The following ZNF799 variants were observed in gnomAD, a reference collection of about 807,000 sequenced individuals.
The protein encoded by ZNF799 is zinc finger protein 799.
ZNF799 carries 28 observed loss-of-function variants against 41.0 expected under a neutral mutation model. The observed-to-expected ratio is 0.68, with a 90% CI of 0.51 to 0.94. The LOEUF (loss-of-function observed/expected upper bound fraction) is 0.94, where lower values mean the gene tolerates loss of function less well. ZNF799 is among the 40% of genes least tolerant of loss of function. The probability of loss-of-function intolerance (pLI) is 0.00; values close to 1 mark genes in which losing one functional copy is unlikely to be tolerated. For missense variants in ZNF799, 716 were observed against 764.3 expected, an observed-to-expected ratio of 0.94 and a Z score of 0.74; for synonymous variants, 213 against 252.9, an observed-to-expected ratio of 0.84 and a Z score of 1.50.
intron 1 of ZNF799, chr19:12,394,482 C>G: frequency 1.4e-6 from 1 of 725,436 alleles, no homozygotes; most frequent in Non-Finnish European, 1.7e-6. Flanking sequence ...CGTTTTGTTG[C>G]AACTTGTTAT....
intron 1 of ZNF799, among the ~76,000 whole-genome samples, chr19:12,400,051 G>A (rs1207462430): frequency 6.6e-6 from 1 of 152,162 alleles, no homozygotes; most frequent in Non-Finnish European, 1.5e-5. Context: ...TCATACCGTT[G>A]CTGTGAATTA....
chr19:12,392,008 T>C lies in ZNF799; in HGVS notation c.390A>G (p.Pro130=), dbSNP rs768668315. Residue 130 remains proline, a synonymous_variant, in exon 4 of 4, where the codon CCA becomes CCG. Transcript: ENST00000430385. ...CYIRVGAGHK[P]YEYHECGEKP... is the part of the protein sequence containing the mutation. ...TCTCTCCACATTCATGATACTCATA[T>C]GGTTTGTGCCCAGCACCAACTCTGA... 3.0e-5 allele frequency: 49 copies of C among 1,614,114 alleles called. No homozygotes were observed. Among genetic ancestry groups the C allele is most frequent in the Non-Finnish European group, 4.1e-5 (48 of 1,180,038 alleles).
At chr19:12,398,459 A>C (rs1453048709) in intron 1 of ZNF799, among the ~76,000 whole-genome samples, 1 of 152,226 alleles carries the variant, frequency 6.6e-6, no homozygotes, top group Non-Finnish European at 1.5e-5. Context: ...GGAAATTGTA[A>C]GGCACTGATA....
chr19:12,392,613 T>C lies in ZNF799; in HGVS notation c.181A>G (p.Lys61Glu). The C allele has an allele frequency of 6.3e-7, 1 of 1,595,304 alleles. No individual in the cohort carries two copies. The highest frequency in any genetic ancestry group is 8.6e-7 in the Non-Finnish European group (1 of 1,164,172). Residue 61 changes from lysine (K) to glutamate (E), a missense_variant, in exon 3 of 4, where the codon AAA becomes GAA. Lys to Glu is a moderately conservative substitution (Grantham distance 56). This residue lies in a region of ZNF799 where 698 missense variants were observed against 713.6 expected (regional missense o/e 0.98). Coordinates refer to ENST00000430385, the MANE Select transcript of ZNF799 (RefSeq NM_001080821.3). Reference sequence around the variant, plus strand: ...GTGAGTATAAATTACCTTAGATTTTTCCTGGGATATCTATATTGATCTTCA... The same window carrying C: ...GTGAGTATAAATTACCTTAGATTTTCCCTGGGATATCTATATTGATCTTCA... The part of the protein sequence containing the change: ...NIEDQYRYPR[K>E]NLRCRMLERF...
intron 1 of ZNF799, among the ~76,000 whole-genome samples, chr19:12,396,465 T>C (rs1969895423): frequency 6.6e-6 from 1 of 152,106 alleles, no homozygotes; most frequent in South Asian, 2.1e-4. Flanking sequence ...GCCTGGCCAA[T>C]GTGGTGAAAC....
upstream of ZNF799, among the ~76,000 whole-genome samples, chr19:12,405,876 CT>C (rs1195892643): frequency 6.6e-6 from 1 of 152,056 alleles, no homozygotes; most frequent in Non-Finnish European, 1.5e-5. Flanking sequence ...ACTGGACTTA[CT>C]GAATTAAAAC....
At position 12,391,250 on chromosome 19, in the gene ZNF799, T is replaced by A. The variant is rs540623094; in HGVS notation, c.1148A>T (p.His383Leu). 13 of 1,614,210 alleles carry A rather than the reference T, an allele frequency of 8.1e-6. No homozygotes were observed. In the African/African-American group the frequency reaches 1.7e-4, roughly 22 times the overall value. ...TCCATCTCCAGTGTGCATTGTCATG[T>A]GTCTTCGAAAGCTTGAGCTATGAGA... ...ALSHSSSFRR[H>L]MTMHTGDGPH... Residue 383 changes from histidine (H) to leucine (L), a missense_variant, in exon 4 of 4, where the codon CAC (histidine) becomes CTC (leucine). Coordinates refer to ENST00000430385, the MANE Select transcript of ZNF799 (RefSeq NM_001080821.3).
chr19:12,401,165 G>C lies in ZNF799; in HGVS notation c.-95C>G, dbSNP rs1220606844. On this transcript the variant is annotated 5_prime_UTR_variant, in exon 1 of 4. Transcript: ENST00000430385. ...CAGGCTGCCACGGAACTTCCAGGTC[G>C]TCTCTTAGCTACAGAGCCGAGCACC... The C allele has an allele frequency of 6.2e-7, 1 of 1,606,468 alleles. No individual in the cohort carries two copies. Among genetic ancestry groups the C allele is most frequent in the Non-Finnish European group, 8.5e-7 (1 of 1,177,464 alleles).
chr19:12,410,164 AAT>A, the ZNF799 span, among the ~76,000 whole-genome samples: 50,040 of 149,232 alleles, frequency 0.34, 8,941 homozygotes, highest in South Asian at 0.51. Context: ...CAAACAAACA[AAT>A]ATATATATAT....
intron 1 of ZNF799, among the ~76,000 whole-genome samples, chr19:12,399,643 C>CT (rs35008340): frequency 0.011 from 1,421 of 128,832 alleles, 55 homozygotes; most frequent in South Asian, 0.022. Flanking sequence ...TGTGGACACC[C>CT]TTTTTTTTTT....
At chr19:12,406,416 G>A in the ZNF799 span, among the ~76,000 whole-genome samples, 19 of 151,068 alleles carry the variant, frequency 1.3e-4, no homozygotes, top group African/African-American at 4.4e-4. Flanking sequence ...CCTGGGAGGC[G>A]GAGCTTGCAG....
chr19:12,401,129 C>A lies in ZNF799; in HGVS notation c.-59G>T, dbSNP rs1969977840. The A allele has an allele frequency of 1.2e-6, 2 of 1,612,816 alleles. No individual in the cohort carries two copies. Among genetic ancestry groups the A allele is most frequent in the Non-Finnish European group, 1.7e-6 (2 of 1,179,580 alleles). Reference sequence around the variant, plus strand: ...ACGGCTCCCGCTGCCAATGCGGGTTCCCGCGGGACACAGGCTGCCACGGAA... The same window carrying A: ...ACGGCTCCCGCTGCCAATGCGGGTTACCGCGGGACACAGGCTGCCACGGAA... On this transcript the variant is annotated 5_prime_UTR_variant, in exon 1 of 4. Coordinates refer to ENST00000430385, the MANE Select transcript of ZNF799 (RefSeq NM_001080821.3).
chr19:12,390,734 A>T lies in ZNF799; in HGVS notation c.1664T>A (p.Met555Lys). The change falls in exon 4 of 4, where the codon ATG (methionine) becomes AAG (lysine). Residue 555 changes from methionine to lysine, a missense_variant. Around this residue, in one of 2 missense-constraint regions of ZNF799, gnomAD observed 698 missense variants for 713.6 expected, o/e 0.98. Transcript: ENST00000430385. ...TTGACACTCATAGGGTTTCTCTCTC[A>T]TGTGAATTCTTTCATGTCGTAGAAA... is the stretch of plus-strand genomic sequence containing the variant. Reference protein sequence around the residue: ...TCFLRHERIHMREKPYECQQC... With the variant: ...TCFLRHERIHKREKPYECQQC... The T allele has an allele frequency of 6.2e-7, 1 of 1,613,718 alleles. No homozygotes were observed. The highest frequency in any genetic ancestry group is 2.2e-5 in the East Asian group (1 of 44,794).
At chr19:12,402,991 A>C (rs1970008667), upstream of ZNF799, among the ~76,000 whole-genome samples, 1 of 152,218 alleles carries the variant, frequency 6.6e-6, no homozygotes, top group Non-Finnish European at 1.5e-5. Context: ...GTTTTGGAAT[A>C]GTTTGAGTAG....
chr19:12,412,382 T>C, the ZNF799 span, among the ~76,000 whole-genome samples: 1 of 152,200 alleles, frequency 6.6e-6, no homozygotes, highest in Non-Finnish European at 1.5e-5. Context: ...GATGTCTATG[T>C]AAATGCACTG....
the ZNF799 span, among the ~76,000 whole-genome samples, chr19:12,406,440 C>T: frequency 6.7e-6 from 1 of 149,284 alleles, no homozygotes; most frequent in Non-Finnish European, 1.5e-5. Flanking sequence ...GCCGAGATCG[C>T]GCCACTGGAC....
chr19:12,409,336 G>A, the ZNF799 span, among the ~76,000 whole-genome samples: 32 of 152,262 alleles, frequency 2.1e-4, no homozygotes, highest in East Asian at 1.9e-4. Flanking sequence ...TGTGCCACCC[G>A]GTTCCTAACC....
At chr19:12,396,180 A>G (rs1440650535) in intron 1 of ZNF799, among the ~76,000 whole-genome samples, 1 of 152,254 alleles carries the variant, frequency 6.6e-6, no homozygotes, top group Non-Finnish European at 1.5e-5. Flanking sequence ...TGGTTCATCA[A>G]TTGGAAAAAA....
At chr19:12,405,057 A>G (rs57171088), upstream of ZNF799, among the ~76,000 whole-genome samples, 10,648 of 152,126 alleles carry the variant, frequency 0.07, 1,136 homozygotes, top group African/African-American at 0.24. Context: ...CTAGCCTCCC[A>G]GCCTACATCT....
Sources: gnomAD v4.1 joint callset for allele counts (sites outside exome capture counted in the v4.1 genomes callset) on GRCh38, gnomAD v4.1.1 for gene constraint, gnomAD v4.1.1 regional missense constraint, MANE v1.5 for transcripts, NCBI Gene and HGNC (gene_info 2026-07-23, HGNC 2026-07-21) for gene names.